The following DLG2 variants were observed in gnomAD, a reference collection of about 807,000 sequenced individuals.
The protein encoded by DLG2 is discs large MAGUK scaffold protein 2, also known as disks large homolog 2.
In DLG2, 45 loss-of-function variants were observed where a neutral mutation model predicts 132.5. That is an observed-to-expected ratio of 0.34 (90% CI 0.27 to 0.44). The LOEUF (loss-of-function observed/expected upper bound fraction) is 0.44, where lower values mean the gene tolerates loss of function less well. Ranked by LOEUF, DLG2 falls within the 20% of genes least tolerant of loss-of-function variation. The pLI, the probability that DLG2 is intolerant of heterozygous loss-of-function variation, is 1.00. For missense variants in DLG2, 1,045 were observed against 1,196.9 expected (o/e 0.87, Z 1.87); for synonymous variants, 424 against 419.6 (o/e 1.01, Z -0.13).
Position 85,552,141 on chromosome 11 carries a change from G to C in DLG2, c.40+46516C>G, listed in dbSNP as rs187467703. Reference sequence around the variant, plus strand: ...CTTCAGCATGCAGCCCAAGGCAGTAGCAAGAATGTTCATCTTTTCTGCTGA... The same window carrying C: ...CTTCAGCATGCAGCCCAAGGCAGTACCAAGAATGTTCATCTTTTCTGCTGA... On this transcript the variant is annotated intron_variant, in intron 3 of 27. Coordinates refer to ENST00000376104, the MANE Select transcript of DLG2 (RefSeq NM_001142699.3). Among the ~76,000 whole-genome samples the C allele has an allele frequency of 1.1e-3, 162 of 148,086 alleles. 1 individual carries two copies. The highest frequency in any genetic ancestry group is 3.8e-3 in the African/African-American group (156 of 40,630).
intron 19 of DLG2, among the ~76,000 whole-genome samples, chr11:83,586,238 G>A (rs1164409045): frequency 2.6e-5 from 4 of 152,252 alleles, no homozygotes; most frequent in Non-Finnish European, 5.9e-5. Context: ...TGGCATTTGT[G>A]TGGAGTAAAC....
intron 6 of DLG2, among the ~76,000 whole-genome samples, chr11:85,063,274 G>T (rs544931080): frequency 1.4e-4 from 22 of 151,914 alleles, no homozygotes; most frequent in Admixed American, 6.6e-4. Context: ...TCTCTAATAA[G>T]TTCTTGCATA....
At chr11:84,417,738 A>G (rs1295390545) in intron 7 of DLG2, among the ~76,000 whole-genome samples, 1 of 152,178 alleles carries the variant, frequency 6.6e-6, no homozygotes, top group African/African-American at 2.4e-5. Flanking sequence ...CTTCAAAACA[A>G]TGACAGAATT....
At chr11:84,553,117 C>T (rs188835188) in intron 6 of DLG2, among the ~76,000 whole-genome samples, 1 of 152,164 alleles carries the variant, frequency 6.6e-6, no homozygotes, top group African/African-American at 2.4e-5. Context: ...AAATACCTTG[C>T]TCTTTTTAAG....
intron 3 of DLG2, among the ~76,000 whole-genome samples, chr11:85,452,028 A>G (rs1173142376): frequency 6.6e-6 from 1 of 152,130 alleles, no homozygotes; most frequent in African/African-American, 2.4e-5. Context: ...AAGCCAAGAA[A>G]ATATCAAATT....
At chr11:85,362,714 G>T (rs551537878) in intron 3 of DLG2, among the ~76,000 whole-genome samples, 8 of 151,764 alleles carry the variant, frequency 5.3e-5, no homozygotes, top group Non-Finnish European at 1.0e-4. Flanking sequence ...GTAAATAAAT[G>T]AAATTATTCC....
chr11:84,101,143 C>T (rs568223477), intron 9 of DLG2, among the ~76,000 whole-genome samples: 7 of 152,202 alleles, frequency 4.6e-5, no homozygotes, highest in African/African-American at 1.7e-4. Flanking sequence ...GTAAGTATGT[C>T]AGTTTATAAG....
chr11:83,665,137 GA>G (rs1449518507), intron 18 of DLG2, among the ~76,000 whole-genome samples: 22 of 152,348 alleles, frequency 1.4e-4, no homozygotes, highest in African/African-American at 4.6e-4. Context: ...GCCTGTAAGA[GA>G]TGACTGGTAC....
chr11:85,095,306 T>C (rs1171256726), intron 6 of DLG2, among the ~76,000 whole-genome samples: 1 of 152,212 alleles, frequency 6.6e-6, no homozygotes, highest in Admixed American at 6.5e-5. Context: ...AAACACAAGA[T>C]TGTCACAAAT....
intron 9 of DLG2, among the ~76,000 whole-genome samples, chr11:84,107,007 T>TGAGAGA (rs1308992798): frequency 3.3e-4 from 10 of 30,212 alleles, no homozygotes; most frequent in Non-Finnish European, 5.8e-4. Context: ...TGTGTGTGTG[T>TGAGAGA]GTGTGTGAGA....
chr11:84,325,027 A>C (rs1354816524), intron 7 of DLG2, among the ~76,000 whole-genome samples: 1 of 151,918 alleles, frequency 6.6e-6, no homozygotes, highest in Non-Finnish European at 1.5e-5. Context: ...TTGCCTACCT[A>C]CTCTGGCTGT....
chr11:85,282,004 A>G (rs2078257737), intron 4 of DLG2, among the ~76,000 whole-genome samples: 1 of 151,998 alleles, frequency 6.6e-6, no homozygotes, highest in South Asian at 2.1e-4. Context: ...TGGTACATAC[A>G]CACAATGGGA....
At chr11:85,295,635 G>A (rs1404026647) in intron 3 of DLG2, among the ~76,000 whole-genome samples, 2 of 152,112 alleles carry the variant, frequency 1.3e-5, no homozygotes, top group African/African-American at 4.8e-5. Flanking sequence ...ATAATAGAAT[G>A]TTAGGGGTTA....
At chr11:84,158,382 G>C (rs2095477061) in intron 9 of DLG2, among the ~76,000 whole-genome samples, 1 of 152,082 alleles carries the variant, frequency 6.6e-6, no homozygotes, top group South Asian at 2.1e-4. Flanking sequence ...TGTTTTCAAA[G>C]AGGCATATTG....
At chr11:84,984,062 T>C (rs2056145904) in intron 6 of DLG2, among the ~76,000 whole-genome samples, 1 of 152,140 alleles carries the variant, frequency 6.6e-6, no homozygotes, top group African/African-American at 2.4e-5. Flanking sequence ...AAAAGAGAAA[T>C]CTGAAAGTTT....
At chr11:84,239,249 C>A (rs375575337) in intron 8 of DLG2, among the ~76,000 whole-genome samples, 4 of 151,094 alleles carry the variant, frequency 2.6e-5, no homozygotes, top group Admixed American at 2.6e-4. Context: ...GGTGTGATCT[C>A]GGCTCACTGC....
intron 6 of DLG2, among the ~76,000 whole-genome samples, chr11:84,571,311 T>C (rs1346102631): frequency 6.6e-6 from 1 of 151,796 alleles, no homozygotes; most frequent in South Asian, 2.1e-4. Context: ...TCTTTCTCCA[T>C]CCCTATCTCC....
chr11:83,790,668 G>A (rs909812830), intron 17 of DLG2: 16 of 948,660 alleles, frequency 1.7e-5, no homozygotes, highest in South Asian at 1.5e-4. Context: ...GACATGATGC[G>A]GACCCACTCT....
intron 19 of DLG2, among the ~76,000 whole-genome samples, chr11:83,598,366 A>G (rs1594184551): frequency 6.6e-6 from 1 of 152,248 alleles, no homozygotes; most frequent in African/African-American, 2.4e-5. Context: ...CCCCAAGCAC[A>G]TATTTCAGTT....
Sources: gnomAD v4.1 joint callset for allele counts (sites outside exome capture counted in the v4.1 genomes callset) on GRCh38, gnomAD v4.1.1 for gene constraint, MANE v1.5 for transcripts, NCBI Gene and HGNC (gene_info 2026-07-23, HGNC 2026-07-21) for gene names.